STPG2: variants seen among roughly 807,000 people sequenced by gnomAD.
STPG2 encodes sperm tail PG-rich repeat containing 2.
Under a neutral mutation model 54.2 loss-of-function variants are expected in STPG2, and 56 were observed. The observed-to-expected ratio is 1.03, with a 90% CI of 0.83 to 1.29. The LOEUF is 1.29. Among genes scored for constraint, STPG2 ranks in the 50% most tolerant of loss-of-function variants. The probability of loss-of-function intolerance (pLI) is 0.00; values close to 1 mark genes in which losing one functional copy is unlikely to be tolerated. For synonymous variants in STPG2, 200 were observed against 181.8 expected (o/e 1.10, Z -0.81); for missense variants, 596 against 544.9 (o/e 1.09, Z -0.93).
intron 8 of STPG2, among the ~76,000 whole-genome samples, chr4:97,860,218 T>A (rs2149139695): frequency 6.6e-6 from 1 of 152,304 alleles, no homozygotes; most frequent in East Asian, 1.9e-4. Flanking sequence ...AGGCTCTTTT[T>A]TTGTTCCATA....
At chr4:97,593,224 G>A (rs575342620) in intron 10 of STPG2, among the ~76,000 whole-genome samples, 151 of 152,048 alleles carry the variant, frequency 9.9e-4, no homozygotes, top group Non-Finnish European at 1.7e-3. Flanking sequence ...AGCCCCTGCC[G>A]ACAGGCACCA....
intron 10 of STPG2, among the ~76,000 whole-genome samples, chr4:97,697,632 C>T (rs933619555): frequency 6.6e-6 from 1 of 152,148 alleles, no homozygotes; most frequent in African/African-American, 2.4e-5. Context: ...GAACAGGCCC[C>T]CAAATCTGGC....
chr4:97,548,006 C>G (rs1441353996), intron 4 of STPG2, among the ~76,000 whole-genome samples: 2 of 152,050 alleles, frequency 1.3e-5, no homozygotes, highest in South Asian at 4.2e-4. Context: ...TAAAATTAGC[C>G]GGGCGTGGTG....
chr4:97,645,323 T>C (rs1308612588), intron 10 of STPG2, among the ~76,000 whole-genome samples: 1 of 151,032 alleles, frequency 6.6e-6, no homozygotes, highest in Non-Finnish European at 1.5e-5. Context: ...AAAAAAAGAA[T>C]TCAGCAGTAC....
At chr4:97,452,347 GAC>G in intron 4 of STPG2, among the ~76,000 whole-genome samples, 1 of 152,278 alleles carries the variant, frequency 6.6e-6, no homozygotes, top group South Asian at 2.1e-4. Flanking sequence ...GGTGGAGACA[GAC>G]AGATTCCTGG....
intron 6 of STPG2, among the ~76,000 whole-genome samples, chr4:97,973,445 C>T (rs189604259): frequency 5.7e-4 from 87 of 152,102 alleles, no homozygotes; most frequent in African/African-American, 1.9e-3. Flanking sequence ...CATAAAAGTT[C>T]GTAAAATTTG....
intron 4 of STPG2, among the ~76,000 whole-genome samples, chr4:97,515,605 G>A (rs2148843678): frequency 6.6e-6 from 1 of 152,132 alleles, no homozygotes; most frequent in South Asian, 2.1e-4. Flanking sequence ...TTAAAATATT[G>A]TAAAGTTAGA....
intron 4 of STPG2, among the ~76,000 whole-genome samples, chr4:97,474,511 T>C (rs1730024629): frequency 6.6e-6 from 1 of 152,276 alleles, no homozygotes; most frequent in South Asian, 2.1e-4. Flanking sequence ...TTTAAATTTT[T>C]CTACAATATA....
chr4:97,899,410 C>G (rs539421307), intron 8 of STPG2, among the ~76,000 whole-genome samples: 2 of 151,960 alleles, frequency 1.3e-5, no homozygotes, highest in South Asian at 4.2e-4. Flanking sequence ...AAGCAATTTA[C>G]AGATTTAATG....
At chr4:97,906,695 T>C (rs1432595824) in intron 8 of STPG2, among the ~76,000 whole-genome samples, 1 of 151,954 alleles carries the variant, frequency 6.6e-6, no homozygotes, top group African/African-American at 2.4e-5. Context: ...ATCCCTGGGA[T>C]GCAAGGCTGG....
intron 10 of STPG2, among the ~76,000 whole-genome samples, chr4:97,712,164 T>C (rs1222270594): frequency 6.6e-6 from 1 of 152,164 alleles, no homozygotes; most frequent in African/African-American, 2.4e-5. Context: ...ATTCTAATTC[T>C]CTAAAGGGCA....
intron 8 of STPG2, among the ~76,000 whole-genome samples, chr4:97,869,097 G>A (rs1309361646): frequency 6.6e-6 from 1 of 151,778 alleles, no homozygotes; most frequent in Non-Finnish European, 1.5e-5. Flanking sequence ...GAGCTCATAA[G>A]TTATTTTGCT....
intron 2 of STPG2, among the ~76,000 whole-genome samples, chr4:98,130,157 G>C (rs1240265695): frequency 6.6e-6 from 1 of 151,458 alleles, no homozygotes; most frequent in Non-Finnish European, 1.5e-5. Context: ...ACCGTGCCCA[G>C]TCGTTTTTCT....
At chr4:97,672,888 C>A (rs1456771402) in intron 10 of STPG2, among the ~76,000 whole-genome samples, 1 of 152,208 alleles carries the variant, frequency 6.6e-6, no homozygotes, top group Non-Finnish European at 1.5e-5. Flanking sequence ...CTTGTTACTT[C>A]TTTCTATGTG....
chr4:97,549,662 A>G (rs912185143), intron 4 of STPG2, among the ~76,000 whole-genome samples: 13 of 152,192 alleles, frequency 8.5e-5, no homozygotes, highest in Non-Finnish European at 1.2e-4. Flanking sequence ...ATCTAACAAT[A>G]AGTTCCTTAT....
chr4:97,935,565 C>T (rs1271760232), intron 8 of STPG2, among the ~76,000 whole-genome samples: 3 of 152,118 alleles, frequency 2.0e-5, no homozygotes, highest in Admixed American at 6.6e-5. Context: ...CTTTCCAGAG[C>T]TTCTTGTACA....
rs577880162 is a variant in STPG2 at position 97,905,387 on chromosome 4, T to A, written c.1044+38510A>T. On this transcript the variant is annotated intron_variant, in intron 8 of 10. Transcript: ENST00000295268. ...CATAAGTGAAGGAGAAATAAAATACTTTACAGACAAGCAAATGCTGAGAGA... is the reference window on the plus strand; with the variant it reads ...CATAAGTGAAGGAGAAATAAAATACATTACAGACAAGCAAATGCTGAGAGA... 2.6e-5 allele frequency among the ~76,000 whole-genome samples: 4 copies of A among 151,802 alleles called. No homozygotes were observed. In the South Asian group the frequency reaches 8.4e-4, roughly 32 times the overall value.
chr4:98,058,247 T>C (rs1243112856), intron 5 of STPG2, among the ~76,000 whole-genome samples: 1 of 152,132 alleles, frequency 6.6e-6, no homozygotes, highest in Admixed American at 6.5e-5. Context: ...AACTGCCCAA[T>C]TTAAAGGCAC....
chr4:97,679,347 G>A (rs1227775056), intron 10 of STPG2, among the ~76,000 whole-genome samples: 2 of 152,014 alleles, frequency 1.3e-5, no homozygotes, highest in Admixed American at 1.3e-4. Context: ...ATCTCATTGT[G>A]GTTTTGATTT....
Sources: gnomAD v4.1 joint callset for allele counts (sites outside exome capture counted in the v4.1 genomes callset) on GRCh38, gnomAD v4.1.1 for gene constraint, MANE v1.5 for transcripts, NCBI Gene and HGNC (gene_info 2026-07-23, HGNC 2026-07-21) for gene names.